Variants in UNC79 observed in about 807,000 individuals in gnomAD.
UNC79 encodes the protein unc-79 subunit of NALCN channel complex.
A neutral mutation model predicts 283.1 loss-of-function variants in UNC79; 37 were observed. That is an observed-to-expected ratio of 0.13 (90% CI 0.10 to 0.17). The LOEUF (loss-of-function observed/expected upper bound fraction) is 0.17. Among genes scored for constraint, UNC79 ranks in the 10% least tolerant of loss-of-function variants. UNC79 has a pLI of 1.00. For missense variants in UNC79, 2,272 were observed against 3,211.1 expected (o/e 0.71, Z 7.07); for synonymous variants, 1,107 against 1,200.2 (o/e 0.92, Z 1.61).
chr14:93,457,298 A>G (rs1189188482), intron 1 of UNC79, among the ~76,000 whole-genome samples: 1 of 152,230 alleles, frequency 6.6e-6, no homozygotes, highest in Non-Finnish European at 1.5e-5. Context: ...ACAGCCATTG[A>G]GTTAATAATT....
chr14:93,497,735 A>C (rs562290382), intron 7 of UNC79, among the ~76,000 whole-genome samples: 9 of 152,292 alleles, frequency 5.9e-5, no homozygotes, highest in South Asian at 2.1e-4. Flanking sequence ...TGCCTGTAAT[A>C]CTAGCACTTT....
intron 14 of UNC79, among the ~76,000 whole-genome samples, chr14:93,560,545 A>G (rs1381513111): frequency 2.0e-5 from 3 of 152,148 alleles, no homozygotes; most frequent in African/African-American, 7.2e-5. Flanking sequence ...ATCGAGAGCA[A>G]TAGTGGAGGC....
At chr14:93,412,564 T>C (rs1364261538) in intron 1 of UNC79, among the ~76,000 whole-genome samples, 1 of 151,938 alleles carries the variant, frequency 6.6e-6, no homozygotes, top group Non-Finnish European at 1.5e-5. Flanking sequence ...TAACATAAAA[T>C]GGAGACCTCC....
chr14:93,637,875 C>T (rs1018444354), intron 32 of UNC79, among the ~76,000 whole-genome samples: 1 of 152,244 alleles, frequency 6.6e-6, no homozygotes, highest in Non-Finnish European at 1.5e-5. Flanking sequence ...CATATCTACT[C>T]TTCTGAGCAT....
chr14:93,637,291 G>A, exon 32 of UNC79: 14 of 1,613,692 alleles, frequency 8.7e-6, no homozygotes, highest in Non-Finnish European at 1.2e-5. Context: ...CAGCCATTGA[G>A]GATGAGAGGT....
At chr14:93,495,763 T>C (rs1298106683) in intron 5 of UNC79, among the ~76,000 whole-genome samples, 1 of 152,194 alleles carries the variant, frequency 6.6e-6, no homozygotes, top group African/African-American at 2.4e-5. Flanking sequence ...AGGCCTGGAA[T>C]ATAGATTAGG....
At chr14:93,510,717 A>G (rs2059778232) in intron 7 of UNC79, among the ~76,000 whole-genome samples, 2 of 152,300 alleles carry the variant, frequency 1.3e-5, no homozygotes, top group South Asian at 2.1e-4. Context: ...TTCATTGTCC[A>G]TATCACTATC....
chr14:93,359,603 G>C (rs544586650), intron 1 of UNC79, among the ~76,000 whole-genome samples: 1 of 152,304 alleles, frequency 6.6e-6, no homozygotes, highest in East Asian at 1.9e-4. Flanking sequence ...GACTCGTGTA[G>C]AGCTCTGGCA....
intron 1 of UNC79, among the ~76,000 whole-genome samples, chr14:93,443,953 T>A (rs1272853084): frequency 6.6e-6 from 1 of 152,236 alleles, no homozygotes; most frequent in Non-Finnish European, 1.5e-5. Context: ...TTCTCTAGGT[T>A]GAATACCTAG....
At chr14:93,529,839 A>G (rs1192899183) in intron 10 of UNC79, among the ~76,000 whole-genome samples, 1 of 152,220 alleles carries the variant, frequency 6.6e-6, no homozygotes, top group Non-Finnish European at 1.5e-5. Context: ...ATGGAAAGAC[A>G]AGATTGCAAT....
intron 40 of UNC79, among the ~76,000 whole-genome samples, chr14:93,668,332 C>T (rs1426874625): frequency 6.6e-6 from 1 of 152,128 alleles, no homozygotes; most frequent in Non-Finnish European, 1.5e-5. Flanking sequence ...CCAGAAATCA[C>T]CAAATTTTAA....
At chr14:93,350,239 GA>G (rs1352685179) in intron 1 of UNC79, among the ~76,000 whole-genome samples, 2 of 151,692 alleles carry the variant, frequency 1.3e-5, no homozygotes, top group Non-Finnish European at 2.9e-5. Context: ...GTGTTCTTGA[GA>G]AAAAATAATT....
At chr14:93,476,271 G>A (rs1188070148) in intron 3 of UNC79, among the ~76,000 whole-genome samples, 1 of 152,174 alleles carries the variant, frequency 6.6e-6, no homozygotes, top group Non-Finnish European at 1.5e-5. Context: ...CAGTTCAACT[G>A]CTAACTCTCA....
intron 22 of UNC79, 79 bp from the exon 23 acceptor site, chr14:93,593,601 C>A (rs1166600928): frequency 1.3e-6 from 2 of 1,517,276 alleles, no homozygotes; most frequent in African/African-American, 2.8e-5. Flanking sequence ...ACTACTCTTG[C>A]CATAAATTAA....
In UNC79 at chr14:93,582,190, CTGTT is replaced by C; in HGVS notation, c.2662-11_2662-8del. The C allele has an allele frequency of 6.2e-7, 1 of 1,614,096 alleles. No individual in the cohort carries two copies. The highest frequency in any genetic ancestry group is 8.5e-7 in the Non-Finnish European group (1 of 1,179,998). ...AGGGCTGCTTACCTGGCTGCCTGTC[CTGTT>C]TATTTCAGGAGCCCACAGACAGCCT... On this transcript the variant is annotated splice_polypyrimidine_tract_variant and intron_variant, in intron 19 of 48. Transcript: ENST00000555664.
chr14:93,646,567 AC>A, intron 34 of UNC79, 40 bp from the exon 38 acceptor site: 1 of 1,600,414 alleles, frequency 6.2e-7, no homozygotes, highest in Non-Finnish European at 8.6e-7. Flanking sequence ...CATCATGGAA[AC>A]CTAAGATATT....
chr14:93,477,850 C>T, intron 4 of UNC79, 122 bp downstream of exon 4: 1 of 904,590 alleles, frequency 1.1e-6, no homozygotes, highest in East Asian at 2.7e-5. Flanking sequence ...TATACAGGAG[C>T]TATGATTTCA....
intron 1 of UNC79, among the ~76,000 whole-genome samples, chr14:93,453,665 TCA>T (rs1241683961): frequency 1.3e-5 from 2 of 152,238 alleles, no homozygotes; most frequent in Non-Finnish European, 2.9e-5. Flanking sequence ...AAATTTGGCC[TCA>T]GATTCTCTGA....
At chr14:93,372,134 G>C (rs1320455191) in intron 1 of UNC79, among the ~76,000 whole-genome samples, 1 of 152,112 alleles carries the variant, frequency 6.6e-6, no homozygotes, top group African/African-American at 2.4e-5. Context: ...GAACACTAAA[G>C]AAGGAATAAG....
Sources: allele counts gnomAD v4.1 joint callset (sites outside exome capture counted in the v4.1 genomes callset), GRCh38; gene constraint gnomAD v4.1.1; transcripts MANE v1.5; gene names NCBI Gene and HGNC (gene_info 2026-07-23, HGNC 2026-07-21).